The following SOS1 variants were observed in gnomAD, a reference collection of about 807,000 sequenced individuals.
The protein encoded by SOS1 is son of sevenless homolog 1.
A neutral mutation model predicts 157.6 loss-of-function variants in SOS1; 25 were observed. The ratio of observed to expected loss-of-function variants is 0.16; its 90% CI spans 0.12 to 0.22. SOS1 has a LOEUF of 0.22. SOS1 is among the 10% of genes least tolerant of loss of function. SOS1 has a pLI of 1.00. For missense variants in SOS1, 1,237 were observed against 1,599.1 expected (o/e 0.77, Z 3.86); for synonymous variants, 528 against 534.0 (o/e 0.99, Z 0.16).
In SOS1 at chr2:39,118,925, C is replaced by A. The variant is rs374799247; in HGVS notation, c.87+1411G>T. Among the ~76,000 whole-genome samples, 44 of 152,332 alleles carry A rather than the reference C, an allele frequency of 2.9e-4. 1 individual carries two copies. The South Asian group carries it at 9.1e-3, about 32-fold the overall frequency. On this transcript the variant is annotated intron_variant, in intron 1 of 22. Coordinates refer to ENST00000402219, the MANE Select transcript of SOS1 (RefSeq NM_005633.4). Reference sequence around the variant, plus strand: ...GCTTCAAAGGATCCTCAGCTGATACCTTGGTGATTCCCCTGGGAAAGGAGC... The same window carrying A: ...GCTTCAAAGGATCCTCAGCTGATACATTGGTGATTCCCCTGGGAAAGGAGC...
chr2:39,121,489 T>G (rs1372214186), upstream of SOS1, among the ~76,000 whole-genome samples: 1 of 152,228 alleles, frequency 6.6e-6, no homozygotes, highest in Non-Finnish European at 1.5e-5. Context: ...GATTGCGGTG[T>G]TTCTAAGTGG....
In SOS1 at chr2:38,985,707, AAG is replaced by A; in HGVS notation, c.*115_*116del. 2 of 1,115,000 alleles carry A rather than the reference AAG, an allele frequency of 1.8e-6. No homozygotes were observed. The highest frequency in any genetic ancestry group is 1.7e-5 in the Admixed American group (1 of 59,010). The allele number at this position is 1,115,000 out of a possible 1,614,324, so 69.1% of individuals were successfully genotyped here. A position where few individuals can be genotyped will look rare whatever the true frequency, so the allele number is the denominator to read the frequency against. Reference sequence around the variant, plus strand: ...CATTGTCTTATACTGCATCTTGAAGAAGAGTCGTTAGTGTTTGGAGTTCTCAT... The same window carrying A: ...CATTGTCTTATACTGCATCTTGAAGAAGTCGTTAGTGTTTGGAGTTCTCAT... On this transcript the variant is annotated 3_prime_UTR_variant, in exon 23 of 23. Coordinates refer to ENST00000402219, the MANE Select transcript of SOS1 (RefSeq NM_005633.4).
At chr2:39,014,123 T>C in intron 11 of SOS1, 134 bp from the exon 12 acceptor site, 4 of 642,280 alleles carry the variant, frequency 6.2e-6, no homozygotes, top group East Asian at 2.9e-5. Context: ...TGCATATCAG[T>C]GTAAACAAGT....
Position 39,096,610 on chromosome 2 carries a change from G to A in SOS1, c.87+23726C>T, listed in dbSNP as rs188368598. On this transcript the variant is annotated intron_variant, in intron 1 of 22. Coordinates refer to ENST00000402219, the MANE Select transcript of SOS1 (RefSeq NM_005633.4). ...CACTAAAAATATCTTGGCTGGCCGG[G>A]CACGGTGGTCCACGCCTGTAATCCC... Among the ~76,000 whole-genome samples, 1,111 of 152,260 alleles carry A rather than the reference G, an allele frequency of 7.3e-3. 12 individuals carry two copies. The highest frequency in any genetic ancestry group is 0.026 in the African/African-American group (1,068 of 41,552).
intron 14 of SOS1, among the ~76,000 whole-genome samples, chr2:39,011,556 T>C (rs1467389377): frequency 6.6e-6 from 1 of 152,010 alleles, no homozygotes; most frequent in East Asian, 1.9e-4. Flanking sequence ...ATTTATCTCA[T>C]TTTCTCATTT....
At chr2:39,038,455 G>C (rs1356465604) in intron 6 of SOS1, among the ~76,000 whole-genome samples, 3 of 152,178 alleles carry the variant, frequency 2.0e-5, no homozygotes, top group Non-Finnish European at 4.4e-5. Context: ...TGGTTTCTTG[G>C]CTGGGCGCGG....
chr2:39,057,362 G>A (rs1020689970), intron 3 of SOS1, among the ~76,000 whole-genome samples: 13 of 152,034 alleles, frequency 8.6e-5, no homozygotes, highest in African/African-American at 2.4e-4. Context: ...CAATTTCTAC[G>A]AAAATAAAAT....
intron 1 of SOS1, among the ~76,000 whole-genome samples, chr2:39,077,534 A>C (rs1336419737): frequency 6.6e-6 from 1 of 152,150 alleles, no homozygotes; most frequent in African/African-American, 2.4e-5. Flanking sequence ...GCCAAGAACA[A>C]CTAAGGCACT....
intron 1 of SOS1, among the ~76,000 whole-genome samples, chr2:39,077,806 A>C (rs1672067411): frequency 6.6e-6 from 1 of 152,218 alleles, no homozygotes; most frequent in South Asian, 2.1e-4. Flanking sequence ...AAACCAACTG[A>C]AGATGGATCA....
intron 15 of SOS1, among the ~76,000 whole-genome samples, chr2:39,010,357 T>C (rs1464304919): frequency 3.3e-5 from 5 of 150,574 alleles, no homozygotes; most frequent in Admixed American, 6.6e-5. Flanking sequence ...AAATTAAAAT[T>C]AGGTGAGTGT....
At chr2:39,054,013 C>T (rs1219013068) in intron 5 of SOS1, among the ~76,000 whole-genome samples, 2 of 151,926 alleles carry the variant, frequency 1.3e-5, no homozygotes, top group South Asian at 2.1e-4. Context: ...CTGCAAGCTC[C>T]GCCTCCCAGG....
At chr2:39,001,788 C>G (rs1024986401) in intron 17 of SOS1, among the ~76,000 whole-genome samples, 11 of 152,184 alleles carry the variant, frequency 7.2e-5, no homozygotes, top group African/African-American at 2.7e-4. Context: ...GGCACCAAAA[C>G]TGACCAGGGT....
chr2:39,110,650 A>C lies in SOS1; in HGVS notation c.87+9686T>G, dbSNP rs138564788. Among the ~76,000 whole-genome samples the C allele has an allele frequency of 7.9e-3, 1,202 of 152,366 alleles. 9 individuals carry two copies. Among genetic ancestry groups the C allele is most frequent in the Middle Eastern group, 0.014 (4 of 294 alleles). The stretch of plus-strand genomic sequence containing the variant: ...TATTTCAATTCCTACCTTGTATCAC[A>C]ACACAACAATTAACTTGAAATGGAC... On this transcript the variant is annotated intron_variant, in intron 1 of 22. Coordinates refer to ENST00000402219, the MANE Select transcript of SOS1 (RefSeq NM_005633.4).
At chr2:39,118,483 A>G (rs759132873) in intron 1 of SOS1, among the ~76,000 whole-genome samples, 11 of 152,224 alleles carry the variant, frequency 7.2e-5, no homozygotes, top group Non-Finnish European at 1.6e-4. Flanking sequence ...AACCTTACAT[A>G]TCAGCTAGAT....
At chr2:39,100,145 T>G (rs187020246) in intron 1 of SOS1, among the ~76,000 whole-genome samples, 112 of 152,332 alleles carry the variant, frequency 7.4e-4, no homozygotes, top group African/African-American at 2.6e-3. Context: ...CCTGTTAGAA[T>G]GACTCTTTTG....
chr2:39,087,686 T>C (rs1350807100), intron 1 of SOS1, among the ~76,000 whole-genome samples: 1 of 152,290 alleles, frequency 6.6e-6, no homozygotes, highest in Middle Eastern at 3.4e-3. Flanking sequence ...TTTTATTTTA[T>C]TTTTGAGACA....
chr2:39,022,570 C>G lies in SOS1; in HGVS notation c.1858G>C (p.Asp620His). Reference sequence around the variant, plus strand: ...TGACAGGCAACTGCATAATTCTTACCTGCGTACATATGGTACGTAAGCCTC... The same window carrying G: ...TGACAGGCAACTGCATAATTCTTACGTGCGTACATATGGTACGTAAGCCTC... Reference protein sequence around the residue: ...IERLTYHMYADPNFVRTFLTT... With the variant: ...IERLTYHMYAHPNFVRTFLTT... The change falls in exon 10 of 23, where the codon GAT (aspartate) becomes CAT (histidine). Residue 620 changes from aspartate to histidine, a missense_variant and splice_region_variant. Physicochemically the swap from Asp to His is moderately conservative, Grantham distance 81. Transcript: ENST00000402219. The G allele has an allele frequency of 1.9e-6, 3 of 1,610,704 alleles. No homozygotes were observed. The highest frequency in any genetic ancestry group is 2.5e-6 in the Non-Finnish European group (3 of 1,177,112).
intron 15 of SOS1, among the ~76,000 whole-genome samples, chr2:39,009,073 C>T (rs953381162): frequency 1.3e-5 from 2 of 151,128 alleles, no homozygotes; most frequent in South Asian, 2.1e-4. Flanking sequence ...AATACGGTCA[C>T]GGAATTAAAG....
At chr2:39,010,426 GC>G (rs1669428339) in intron 15 of SOS1, among the ~76,000 whole-genome samples, 157 bp downstream of exon 15, 2 of 151,778 alleles carry the variant, frequency 1.3e-5, no homozygotes, top group Admixed American at 6.6e-5. Context: ...GATCGCTTGA[GC>G]CTGGGAGGTG....
Sources: allele counts gnomAD v4.1 joint callset (sites outside exome capture counted in the v4.1 genomes callset), GRCh38; gene constraint gnomAD v4.1.1; transcripts MANE v1.5; gene names NCBI Gene and HGNC (gene_info 2026-07-23, HGNC 2026-07-21).